Variants in DHX15 observed in about 807,000 individuals in gnomAD.
DHX15 encodes DEAH-box helicase 15.
A neutral mutation model predicts 94.4 loss-of-function variants in DHX15; 11 were observed. The observed-to-expected ratio is 0.12, with a 90% CI of 0.07 to 0.19. The LOEUF (loss-of-function observed/expected upper bound fraction) is 0.19. Among genes scored for constraint, DHX15 ranks in the 10% least tolerant of loss-of-function variants. The pLI, the probability that DHX15 is intolerant of heterozygous loss-of-function variation, is 1.00. For synonymous variants in DHX15, 338 were observed against 329.9 expected, an observed-to-expected ratio of 1.02 and a Z score of -0.27; for missense variants, 304 against 988.5, an observed-to-expected ratio of 0.31 and a Z score of 9.29.
chr4:24,568,532 C>T (rs13115594), intron 3 of DHX15, among the ~76,000 whole-genome samples: 84,437 of 151,956 alleles, frequency 0.56, 23,897 homozygotes, highest in East Asian at 0.62. Flanking sequence ...AAATCTGTTA[C>T]TTGTCATTCC....
rs376275678 is a variant in DHX15 at position 24,541,981 on chromosome 4, T to C, written c.1377A>G (p.Thr459=). ...PRIRVESLLV[T]AISKASAQQR... Reference sequence around the variant, plus strand: ...GCTGAGCTGAAGCTTTACTAATAGCTGTCACCAAAAGGGACTCAACTCTGA... The same window carrying C: ...GCTGAGCTGAAGCTTTACTAATAGCCGTCACCAAAAGGGACTCAACTCTGA... Residue 459 remains threonine (T), a synonymous_variant, in exon 8 of 14, where the codon ACA becomes ACG. Transcript: ENST00000336812. The C allele has an allele frequency of 6.2e-7, 1 of 1,612,404 alleles. No individual in the cohort carries two copies. The highest frequency in any genetic ancestry group is 8.5e-7 in the Non-Finnish European group (1 of 1,178,912).
At chr4:24,575,670 G>T (rs1320782834) in intron 2 of DHX15, among the ~76,000 whole-genome samples, 1 of 152,092 alleles carries the variant, frequency 6.6e-6, no homozygotes, top group African/African-American at 2.4e-5. Flanking sequence ...AGAAACACTT[G>T]ACCCATGCAA....
chr4:24,540,101 C>A lies in DHX15; in HGVS notation c.1786+7G>T. On this transcript the variant is annotated splice_region_variant and intron_variant, in intron 10 of 13. Transcript: ENST00000336812. The stretch of plus-strand genomic sequence containing the variant: ...TGGGCTTTTTTTTGTTCCTTTCCCT[C>A]TATTACCTGACAACATAGCAGTAAT... The A allele has an allele frequency of 6.6e-7, 1 of 1,521,648 alleles. No individual in the cohort carries two copies. The highest frequency in any genetic ancestry group is 1.4e-5 in the South Asian group (1 of 73,284). The allele number at this position is 1,521,648 out of a possible 1,614,324, so 94.3% of individuals were successfully genotyped here. A position where few individuals can be genotyped will look rare whatever the true frequency, so the allele number is the denominator to read the frequency against.
At chr4:24,584,203 C>A in intron 1 of DHX15, 120 bp downstream of exon 1, 1 of 1,096,782 alleles carries the variant, frequency 9.1e-7, no homozygotes, top group South Asian at 1.4e-5. Context: ...GTGAACCCAG[C>A]CCAGAGAGAA....
chr4:24,551,308 G>A (rs1035253121), intron 5 of DHX15, among the ~76,000 whole-genome samples: 10 of 150,668 alleles, frequency 6.6e-5, no homozygotes, highest in African/African-American at 1.2e-4. Context: ...AACAAAGTGC[G>A]TGTTTTTTTC....
Position 24,537,824 on chromosome 4 carries a change from A to T in DHX15, c.1787-651T>A, listed in dbSNP as rs1721226854. On this transcript the variant is annotated intron_variant, in intron 10 of 13. Coordinates refer to ENST00000336812, the MANE Select transcript of DHX15 (RefSeq NM_001358.3). The surrounding 1 kb of genome is among the most constrained non-coding windows in gnomAD (Gnocchi z 4.7). ...GCCTTTGAATTAAGAAAATTCAAAA[A>T]GGCTGGGATATTCAGCCTAGTGTTT... The T allele has an allele frequency of 6.6e-6, 1 of 152,210 alleles. No individual in the cohort carries two copies. The highest frequency in any genetic ancestry group is 1.5e-5 in the Non-Finnish European group (1 of 68,016). The allele number at this position is 152,210 out of a possible 1,614,324, so 9.4% of individuals were successfully genotyped here.
intron 3 of DHX15, among the ~76,000 whole-genome samples, chr4:24,556,732 A>G (rs1469408629): frequency 6.6e-6 from 1 of 152,226 alleles, no homozygotes; most frequent in Non-Finnish European, 1.5e-5. Context: ...GTCATTTTCA[A>G]TTTCTTAAAC....
At chr4:24,554,172 T>C (rs1419590537) in intron 5 of DHX15, among the ~76,000 whole-genome samples, 1 of 151,904 alleles carries the variant, frequency 6.6e-6, no homozygotes, top group East Asian at 1.9e-4. Flanking sequence ...GAGCCAAGAC[T>C]GCACCACTGC....
At chr4:24,557,787 T>C (rs551048644) in intron 3 of DHX15, among the ~76,000 whole-genome samples, 4 of 152,160 alleles carry the variant, frequency 2.6e-5, no homozygotes, top group Non-Finnish European at 5.9e-5. Context: ...AGCAACACTA[T>C]AGCCCTTAGC....
chr4:24,548,033 T>G (rs893484808), intron 6 of DHX15, among the ~76,000 whole-genome samples: 3 of 149,620 alleles, frequency 2.0e-5, no homozygotes, highest in Admixed American at 6.7e-5. Context: ...CAACAAAGTA[T>G]CTCAGAAATA....
At chr4:24,583,253 G>T (rs1427677132) in intron 1 of DHX15, among the ~76,000 whole-genome samples, 1 of 152,130 alleles carries the variant, frequency 6.6e-6, no homozygotes, top group Non-Finnish European at 1.5e-5. Flanking sequence ...CAAGGGACAA[G>T]AAATGATTTT....
At chr4:24,529,557 G>A (rs1023953051) in intron 13 of DHX15, 44 bp downstream of exon 13, 4 of 1,573,700 alleles carry the variant, frequency 2.5e-6, no homozygotes, top group Non-Finnish European at 3.5e-6. Context: ...TCCATTTTGA[G>A]CAAAGTACTA....
At chr4:24,532,356 A>G (rs1721103183) in intron 12 of DHX15, among the ~76,000 whole-genome samples, 1 of 152,224 alleles carries the variant, frequency 6.6e-6, no homozygotes, top group African/African-American at 2.4e-5. Context: ...TGTAAATGAA[A>G]TCCACGTATT....
At position 24,527,622 on chromosome 4, in the gene DHX15, T is replaced by C. The variant is rs1560758084; in HGVS notation, c.*302A>G. ...ATGCATACCATGGTCGATAATCACA[T>C]TTTAGAAGCATTTTCAACCATTTCT... On this transcript the variant is annotated 3_prime_UTR_variant, in exon 14 of 14. Coordinates refer to ENST00000336812, the MANE Select transcript of DHX15 (RefSeq NM_001358.3). 3.9e-6 allele frequency: 1 copy of C among 253,558 alleles called. No homozygotes were observed. Among genetic ancestry groups the C allele is most frequent in the South Asian group, 9.8e-5 (1 of 10,224 alleles). The allele number at this position is 253,558 out of a possible 1,614,324, so 15.7% of individuals were successfully genotyped here.
intron 2 of DHX15, among the ~76,000 whole-genome samples, chr4:24,572,222 C>A (rs906356063): frequency 3.9e-5 from 6 of 152,116 alleles, no homozygotes; most frequent in Non-Finnish European, 8.8e-5. Context: ...CTCACTGTAA[C>A]CACCAAGGTT....
chr4:24,568,812 A>T (rs1560773881), intron 3 of DHX15, among the ~76,000 whole-genome samples: 1 of 152,238 alleles, frequency 6.6e-6, no homozygotes, highest in Non-Finnish European at 1.5e-5. Context: ...GTAATACAAC[A>T]TAATGAGCTA....
At position 24,571,848 on chromosome 4, in the gene DHX15, G is replaced by T. The variant is rs548132784; in HGVS notation, c.508-1001C>A. 1.6e-4 allele frequency among the ~76,000 whole-genome samples: 25 copies of T among 152,256 alleles called. 1 individual carries two copies. The South Asian group carries it at 5.2e-3, about 32-fold the overall frequency. On this transcript the variant is annotated intron_variant, in intron 2 of 13. Transcript: ENST00000336812. Reference sequence around the variant, plus strand: ...GTCACTAACAAATATCTGAAAGGGAGGGTAATTATGCTGATTCTCTAAAAT... The same window carrying T: ...GTCACTAACAAATATCTGAAAGGGATGGTAATTATGCTGATTCTCTAAAAT...
At chr4:24,583,484 A>AT (rs1560779156) in intron 1 of DHX15, among the ~76,000 whole-genome samples, 1 of 151,760 alleles carries the variant, frequency 6.6e-6, no homozygotes, top group Non-Finnish European at 1.5e-5. Context: ...AAAAAAAAAA[A>AT]CAATGCCTTC....
chr4:24,540,383 A>T (rs1721284471), intron 9 of DHX15, 84 bp from the exon 10 acceptor site: 1 of 1,176,638 alleles, frequency 8.5e-7, no homozygotes, highest in Admixed American at 2.6e-5. Context: ...AAGCAATCTC[A>T]TTTTTCATTT....
Sources: allele counts gnomAD v4.1 joint callset (sites outside exome capture counted in the v4.1 genomes callset), GRCh38; gene constraint gnomAD v4.1.1; non-coding constraint Gnocchi (gnomAD v3.1); transcripts MANE v1.5; gene names NCBI Gene and HGNC (gene_info 2026-07-23, HGNC 2026-07-21).